Variants in GPR39 observed in about 807,000 individuals in gnomAD.
The protein encoded by GPR39 is G protein-coupled receptor 39.
GPR39 carries 23 observed loss-of-function variants against 18.4 expected under a neutral mutation model. That is an observed-to-expected ratio of 1.25 (90% CI 0.90 to 1.77). The LOEUF (loss-of-function observed/expected upper bound fraction) is 1.77, where lower values mean the gene tolerates loss of function less well. Among genes scored for constraint, GPR39 ranks in the 40% most tolerant of loss-of-function variants. The probability of loss-of-function intolerance (pLI) is 0.00; values close to 1 mark genes in which losing one functional copy is unlikely to be tolerated. For missense variants in GPR39, 647 were observed against 602.4 expected (o/e 1.07, Z -0.78); for synonymous variants, 280 against 257.9 (o/e 1.09, Z -0.82).
chr2:132,612,698 G>C (rs1336248365), intron 1 of GPR39, among the ~76,000 whole-genome samples: 2 of 152,182 alleles, frequency 1.3e-5, no homozygotes, highest in Non-Finnish European at 2.9e-5. Context: ...GTTTATTTTT[G>C]TGCTAATATC....
intron 1 of GPR39, among the ~76,000 whole-genome samples, chr2:132,473,231 C>G (rs898455913): frequency 6.6e-6 from 1 of 152,126 alleles, no homozygotes; most frequent in Non-Finnish European, 1.5e-5. Flanking sequence ...GAGCAGTGTC[C>G]CAGCATGCTC....
chr2:132,646,178 A>C lies in GPR39; in HGVS notation c.*572A>C. The C allele has an allele frequency of 1.2e-6, 2 of 1,610,894 alleles. No homozygotes were observed. Among genetic ancestry groups the C allele is most frequent in the Non-Finnish European group, 1.7e-6 (2 of 1,178,208 alleles). Reference sequence around the variant, plus strand: ...ACAAAGAGGGGTGTTGCAGCAGCTGATGCAAACTGAGTTCAGTTTCCCTGG... The same window carrying C: ...ACAAAGAGGGGTGTTGCAGCAGCTGCTGCAAACTGAGTTCAGTTTCCCTGG... On this transcript the variant is annotated 3_prime_UTR_variant, in exon 2 of 2. Transcript: ENST00000329321.
chr2:132,622,157 G>C (rs1237058155), intron 1 of GPR39, among the ~76,000 whole-genome samples: 2 of 152,324 alleles, frequency 1.3e-5, no homozygotes, highest in East Asian at 3.9e-4. Context: ...ATTTTGGGAG[G>C]CTGAGGTGGG....
chr2:132,536,889 C>A (rs1383830792), intron 1 of GPR39, among the ~76,000 whole-genome samples: 2 of 152,126 alleles, frequency 1.3e-5, no homozygotes, highest in South Asian at 4.2e-4. Context: ...AGGATTGCAA[C>A]CCCTGCTTTT....
intron 1 of GPR39, among the ~76,000 whole-genome samples, chr2:132,621,288 C>G (rs1681436556): frequency 1.3e-5 from 2 of 152,144 alleles, no homozygotes; most frequent in South Asian, 4.1e-4. Context: ...AGCTCATTAC[C>G]AGTGTCTCTC....
At chr2:132,638,812 C>T (rs1681811420) in intron 1 of GPR39, among the ~76,000 whole-genome samples, 1 of 152,238 alleles carries the variant, frequency 6.6e-6, no homozygotes, top group African/African-American at 2.4e-5. Flanking sequence ...AGATGCTTCT[C>T]ACCCTACTAC....
intron 1 of GPR39, among the ~76,000 whole-genome samples, chr2:132,466,603 C>A (rs1044191837): frequency 6.6e-6 from 1 of 152,166 alleles, no homozygotes; most frequent in South Asian, 2.1e-4. Context: ...GGCAGCATAA[C>A]CCCCAGGCTA....
In GPR39 at chr2:132,552,839, T is replaced by C. The variant is rs1427272918; in HGVS notation, c.857-92262T>C. 1.2e-4 allele frequency among the ~76,000 whole-genome samples: 18 copies of C among 147,888 alleles called. No individual in the cohort carries two copies. In the Admixed American group the frequency reaches 1.2e-3, roughly 10 times the overall value. On this transcript the variant is annotated intron_variant, in intron 1 of 1. Transcript: ENST00000329321. ...GTGTGTATGTATATATATACATATA[T>C]ATATATACACACATATATATATACA...
chr2:132,446,627 T>G (rs1478509593), intron 1 of GPR39, among the ~76,000 whole-genome samples: 1 of 152,120 alleles, frequency 6.6e-6, no homozygotes, highest in African/African-American at 2.4e-5. Flanking sequence ...CTGGAGATGC[T>G]GGCAAGGCTA....
In GPR39 at chr2:132,569,650, G is replaced by A. The variant is rs575212932; in HGVS notation, c.857-75451G>A. On this transcript the variant is annotated intron_variant, in intron 1 of 1. Transcript: ENST00000329321. ...CAGTGGGGGTGGGGGGGGTCCCATC[G>A]TTCCCTAGAGCTGGCTGTCAACCTG... Among the ~76,000 whole-genome samples the A allele has an allele frequency of 5.9e-5, 9 of 151,988 alleles. No homozygotes were observed. In the South Asian group the frequency reaches 6.2e-4, roughly 11 times the overall value.
At chr2:132,444,954 CAGATA>C (rs1680507880) in intron 1 of GPR39, among the ~76,000 whole-genome samples, 1 of 152,096 alleles carries the variant, frequency 6.6e-6, no homozygotes, top group African/African-American at 2.4e-5. Context: ...TCCTAAGAGC[CAGATA>C]AGATAAGAAC....
chr2:132,444,148 T>G (rs1680489352), intron 1 of GPR39, among the ~76,000 whole-genome samples: 1 of 152,194 alleles, frequency 6.6e-6, no homozygotes, highest in African/African-American at 2.4e-5. Context: ...ATTCATCAGC[T>G]TGGTTTGTAA....
At chr2:132,602,746 TAAAA>T (rs796499898) in intron 1 of GPR39, among the ~76,000 whole-genome samples, 4 of 146,930 alleles carry the variant, frequency 2.7e-5, no homozygotes, top group African/African-American at 1.0e-4. Context: ...GACATTTCTC[TAAAA>T]AAAAAGACAC....
rs1200549345 is a variant in GPR39 at position 132,645,625 on chromosome 2, T to G, written c.*19T>G. 6.3e-7 allele frequency: 1 copy of G among 1,599,190 alleles called. No individual in the cohort carries two copies. Among genetic ancestry groups the G allele is most frequent in the Non-Finnish European group, 8.5e-7 (1 of 1,172,722 alleles). On this transcript the variant is annotated 3_prime_UTR_variant, in exon 2 of 2. Transcript: ENST00000329321. ...AGTTTGAATGTCAAGCGAGGGAGCC[T>G]TGAGTGGGAACTGGCCCTCCAGCCC...
At chr2:132,552,849 CACAT>C (rs1680070295) in intron 1 of GPR39, among the ~76,000 whole-genome samples, 1 of 141,936 alleles carries the variant, frequency 7.0e-6, no homozygotes, top group Non-Finnish European at 1.5e-5. Flanking sequence ...TATATATACA[CACAT>C]ATATATATAC....
At chr2:132,425,007 A>G (rs1680092097) in intron 1 of GPR39, among the ~76,000 whole-genome samples, 1 of 152,134 alleles carries the variant, frequency 6.6e-6, no homozygotes, top group Admixed American at 6.5e-5. Flanking sequence ...CCTGATTAGG[A>G]GGTGGCCCTA....
intron 1 of GPR39, among the ~76,000 whole-genome samples, chr2:132,496,494 C>T (rs1269082892): frequency 2.6e-5 from 4 of 152,136 alleles, no homozygotes; most frequent in South Asian, 2.1e-4. Context: ...TGAAAAATAA[C>T]GTGGTGATAA....
chr2:132,540,540 A>T (rs928111512), intron 1 of GPR39, among the ~76,000 whole-genome samples: 2 of 152,132 alleles, frequency 1.3e-5, no homozygotes, highest in African/African-American at 4.8e-5. Flanking sequence ...GGTGTTTGTG[A>T]GCTGGACCCC....
chr2:132,533,848 G>C (rs1679690392), intron 1 of GPR39, among the ~76,000 whole-genome samples: 1 of 151,984 alleles, frequency 6.6e-6, no homozygotes, highest in East Asian at 1.9e-4. Flanking sequence ...AATTCAAGAT[G>C]GATTAAAGAC....
Sources: gnomAD v4.1 joint callset for allele counts (sites outside exome capture counted in the v4.1 genomes callset) on GRCh38, gnomAD v4.1.1 for gene constraint, MANE v1.5 for transcripts, NCBI Gene and HGNC (gene_info 2026-07-23, HGNC 2026-07-21) for gene names.